The following SCD5 variants were observed in gnomAD, a reference collection of about 807,000 sequenced individuals.
SCD5 encodes stearoyl-CoA desaturase 5, also known as acyl-CoA-desaturase 4.
In SCD5, 20 loss-of-function variants were observed where a neutral mutation model predicts 30.4. The ratio of observed to expected loss-of-function variants is 0.66; its 90% CI spans 0.46 to 0.96. SCD5 has a LOEUF of 0.96. Ranked by LOEUF, SCD5 falls within the 40% of genes least tolerant of loss-of-function variation. The pLI, the probability that SCD5 is intolerant of heterozygous loss-of-function variation, is 0.00. For missense variants in SCD5, 381 were observed against 443.3 expected, an observed-to-expected ratio of 0.86 and a Z score of 1.26; for synonymous variants, 173 against 176.4, an observed-to-expected ratio of 0.98 and a Z score of 0.16.
At chr4:82,650,412 A>G (rs975653096) in intron 3 of SCD5, among the ~76,000 whole-genome samples, 1 of 152,146 alleles carries the variant, frequency 6.6e-6, no homozygotes, top group African/African-American at 2.4e-5. Context: ...AATATTTTTG[A>G]GGTCACGCAC....
chr4:82,747,070 C>A (rs1025276560), intron 1 of SCD5, among the ~76,000 whole-genome samples: 115 of 34,868 alleles, frequency 3.3e-3, no homozygotes, highest in African/African-American at 6.3e-3. Context: ...GGGCAACCTG[C>A]CCCCCAAGAA....
intron 3 of SCD5, among the ~76,000 whole-genome samples, chr4:82,641,956 C>T (rs544780538): frequency 3.9e-5 from 6 of 152,118 alleles, no homozygotes; most frequent in South Asian, 2.1e-4. Flanking sequence ...GTCTTGGACA[C>T]GGTAAGAGGG....
Position 82,754,398 on chromosome 4 carries a change from GGGA to G in SCD5, c.232+43905_232+43907del, listed in dbSNP as rs542501417. ...GACTAAGAATGGGAAAGCAGAGAGAGGGAGGAGAAGTCCTTTCATCAAAATACT... is the reference window on the plus strand; with the variant it reads ...GACTAAGAATGGGAAAGCAGAGAGAGGGAGAAGTCCTTTCATCAAAATACT... On this transcript the variant is annotated intron_variant, in intron 1 of 4. Coordinates refer to ENST00000319540, the MANE Select transcript of SCD5 (RefSeq NM_001037582.3). Among the ~76,000 whole-genome samples, 294 of 152,286 alleles carry G rather than the reference GGGA, an allele frequency of 1.9e-3. 1 individual carries two copies. The highest frequency in any genetic ancestry group is 6.5e-3 in the African/African-American group (270 of 41,564).
intron 3 of SCD5, chr4:82,660,515 T>C (rs1275611446): frequency 9.0e-7 from 1 of 1,107,328 alleles, no homozygotes; most frequent in Non-Finnish European, 1.1e-6. Context: ...GTGCTGTATG[T>C]GTAGTTAATA....
intron 3 of SCD5, among the ~76,000 whole-genome samples, chr4:82,641,820 G>A (rs1380743892): frequency 1.3e-5 from 2 of 152,210 alleles, no homozygotes; most frequent in African/African-American, 4.8e-5. Context: ...CTAAAGTAGA[G>A]TGGCACGACT....
Position 82,680,833 on chromosome 4 carries a change from CG to C in SCD5, c.442del (p.Arg148AlafsTer142), listed in dbSNP as rs1560532271. The stretch of plus-strand genomic sequence containing the variant: ...AATATGGGAGAAGAAGAAGCCCCGG[CG>C]GGCATTGTGGGGGTCAGCATCCGTC... The part of the protein sequence containing the change: ...SETDADPHNA[R>X]RGFFFSHIGW... On this transcript the variant is annotated frameshift_variant, in exon 3 of 5. Transcript: ENST00000319540. LOFTEE classifies it high-confidence loss of function. The C allele has an allele frequency of 6.2e-7, 1 of 1,613,690 alleles. No individual in the cohort carries two copies. The highest frequency in any genetic ancestry group is 1.1e-5 in the South Asian group (1 of 91,032).
At chr4:82,677,306 T>C (rs1380496345) in intron 3 of SCD5, among the ~76,000 whole-genome samples, 1 of 152,174 alleles carries the variant, frequency 6.6e-6, no homozygotes. Context: ...CAGGTGGAGA[T>C]TCAGCCCATG....
intron 1 of SCD5, among the ~76,000 whole-genome samples, chr4:82,751,219 A>AGAG (rs2148842318): frequency 6.6e-6 from 1 of 152,306 alleles, no homozygotes; most frequent in African/African-American, 2.4e-5. Context: ...TTTTAGAGAC[A>AGAG]GAGTCTCACT....
Position 82,630,998 on chromosome 4 carries a change from C to A in SCD5, c.*329G>T, listed in dbSNP as rs1727278144. On this transcript the variant is annotated 3_prime_UTR_variant, in exon 5 of 5. Coordinates refer to ENST00000319540, the MANE Select transcript of SCD5 (RefSeq NM_001037582.3). Reference sequence around the variant, plus strand: ...TGGTGGCAGGCTCCTGTAATCTCAGCTACTCAGGAGGCTGAGGCAGGAGAA... The same window carrying A: ...TGGTGGCAGGCTCCTGTAATCTCAGATACTCAGGAGGCTGAGGCAGGAGAA... 5.9e-6 allele frequency: 1 copy of A among 168,874 alleles called. No individual in the cohort carries two copies. The highest frequency in any genetic ancestry group is 1.6e-4 in the East Asian group (1 of 6,150). The allele number at this position is 168,874 out of a possible 1,614,324, so 10.5% of individuals were successfully genotyped here. A position where few individuals can be genotyped will look rare whatever the true frequency, so the allele number is the denominator to read the frequency against.
chr4:82,736,407 G>A (rs1384615578), intron 1 of SCD5, among the ~76,000 whole-genome samples: 1 of 151,870 alleles, frequency 6.6e-6, no homozygotes, highest in Non-Finnish European at 1.5e-5. Flanking sequence ...TCAGGAGTTC[G>A]AGACCAGCCT....
intron 2 of SCD5, among the ~76,000 whole-genome samples, chr4:82,688,756 G>T (rs1461244907): frequency 6.6e-6 from 1 of 151,888 alleles, no homozygotes; most frequent in Non-Finnish European, 1.5e-5. Context: ...AGTTTAAAAA[G>T]TGCCAATAAA....
intron 3 of SCD5, chr4:82,660,118 C>T (rs1349120444): frequency 1.3e-5 from 2 of 152,124 alleles, no homozygotes; most frequent in South Asian, 2.1e-4. Flanking sequence ...GCAAGAAGAG[C>T]TAACTATCCT....
intron 3 of SCD5, among the ~76,000 whole-genome samples, chr4:82,678,759 T>C (rs532762460): frequency 6.6e-6 from 1 of 152,338 alleles, no homozygotes; most frequent in African/African-American, 2.4e-5. Context: ...GAGATACTAC[T>C]GAATATTAAT....
At position 82,693,256 on chromosome 4, in the gene SCD5, G is replaced by C. The variant is rs1338454067; in HGVS notation, c.363+12027C>G. On this transcript the variant is annotated intron_variant, in intron 2 of 4. Transcript: ENST00000319540. ...GTGCCTTTGACCTTGCCCAGCAGTGGGGTCTGGATGCCTAGCTTCTAGGCT... is the reference window on the plus strand; with the variant it reads ...GTGCCTTTGACCTTGCCCAGCAGTGCGGTCTGGATGCCTAGCTTCTAGGCT... Among the ~76,000 whole-genome samples, 6 of 152,272 alleles carry C rather than the reference G, an allele frequency of 3.9e-5. No individual in the cohort carries two copies. In the South Asian group the frequency reaches 1.2e-3, roughly 32 times the overall value.
intron 2 of SCD5, among the ~76,000 whole-genome samples, chr4:82,686,987 A>T (rs1305674131): frequency 6.6e-6 from 1 of 152,060 alleles, no homozygotes; most frequent in East Asian, 1.9e-4. Context: ...CCTGGCCAAT[A>T]TGGTGAAACC....
intron 1 of SCD5, among the ~76,000 whole-genome samples, chr4:82,774,784 A>AC (rs1414875784): frequency 1.3e-5 from 2 of 152,108 alleles, no homozygotes; most frequent in African/African-American, 4.8e-5. Context: ...CTTCTCTTCC[A>AC]CCCACTCTGT....
chr4:82,754,313 C>A (rs1721179756), intron 1 of SCD5, among the ~76,000 whole-genome samples: 1 of 152,236 alleles, frequency 6.6e-6, no homozygotes, highest in African/African-American at 2.4e-5. Flanking sequence ...GCTTTTCAAC[C>A]TCCTCAGTTT....
At chr4:82,789,777 C>T (rs1267822772) in intron 1 of SCD5, among the ~76,000 whole-genome samples, 29 of 151,904 alleles carry the variant, frequency 1.9e-4, no homozygotes, top group Non-Finnish European at 2.2e-4. Context: ...AATGTGGGCT[C>T]GTGGGAATCA....
rs144361099 is a variant in SCD5 at position 82,764,605 on chromosome 4, C to T, written c.232+33701G>A. Among the ~76,000 whole-genome samples the T allele has an allele frequency of 2.8e-3, 425 of 152,070 alleles. 2 individuals carry two copies. Among genetic ancestry groups the T allele is most frequent in the African/African-American group, 9.7e-3 (403 of 41,472 alleles). ...GTATCATATAAGAATCTTACAACAACCTACTTCATTTCCCCCTTCTTGGCC... is the reference window on the plus strand; with the variant it reads ...GTATCATATAAGAATCTTACAACAATCTACTTCATTTCCCCCTTCTTGGCC... On this transcript the variant is annotated intron_variant, in intron 1 of 4. Transcript: ENST00000319540.
Sources: allele counts gnomAD v4.1 joint callset (sites outside exome capture counted in the v4.1 genomes callset), GRCh38; gene constraint gnomAD v4.1.1; transcripts MANE v1.5; gene names NCBI Gene and HGNC (gene_info 2026-07-23, HGNC 2026-07-21).